The following GALNT7 variants were observed in gnomAD, a reference collection of about 807,000 sequenced individuals.
The protein encoded by GALNT7 is polypeptide N-acetylgalactosaminyltransferase 7, also known as N-acetylgalactosaminyltransferase 7.
Under a neutral mutation model 82.1 loss-of-function variants are expected in GALNT7, and 60 were observed. That is an observed-to-expected ratio of 0.73 (90% CI 0.59 to 0.91). The LOEUF (loss-of-function observed/expected upper bound fraction) is 0.91, where lower values mean the gene tolerates loss of function less well. GALNT7 is among the 40% of genes least tolerant of loss of function. The pLI, the probability that GALNT7 is intolerant of heterozygous loss-of-function variation, is 0.00. For missense variants in GALNT7, 660 were observed against 804.2 expected (o/e 0.82, Z 2.17); for synonymous variants, 243 against 275.1 (o/e 0.88, Z 1.15).
rs1293455922 is a variant in GALNT7 at position 173,248,020 on chromosome 4, G to A, written c.167G>A (p.Gly56Asp). 5.0e-6 allele frequency: 8 copies of A among 1,613,468 alleles called. No individual in the cohort carries two copies. In the South Asian group the frequency reaches 7.7e-5, roughly 16 times the overall value. ...DVNDPMPNRG[G>D]NGLAPGEDRF... ...AATGACCCCATGCCCAACCGAGGCG[G>A]CAATGGACTAGCTCCTGGGGAGGAC... Residue 56 changes from glycine to aspartate, a missense_variant, in exon 2 of 12, where the codon GGC becomes GAC. Gly to Asp is a moderately conservative substitution (Grantham distance 94). Transcript: ENST00000265000.
intron 1 of GALNT7, among the ~76,000 whole-genome samples, chr4:173,225,335 G>C (rs1579929162): frequency 1.3e-5 from 2 of 152,212 alleles, no homozygotes; most frequent in South Asian, 4.1e-4. Context: ...AATGGGAAAA[G>C]GGTTGACTGG....
At chr4:173,245,149 A>G (rs1014449616) in intron 1 of GALNT7, among the ~76,000 whole-genome samples, 21 of 151,944 alleles carry the variant, frequency 1.4e-4, no homozygotes, top group African/African-American at 5.1e-4. Flanking sequence ...ATGGAATGAC[A>G]AATAGACTAA....
At position 173,323,118 on chromosome 4, in the gene GALNT7, T is replaced by C. The variant is rs965975448; in HGVS notation, c.*1401T>C. 1 of 150,804 alleles carries C rather than the reference T, an allele frequency of 6.6e-6. No individual in the cohort carries two copies. The highest frequency in any genetic ancestry group is 1.5e-5 in the Non-Finnish European group (1 of 67,524). The allele number at this position is 150,804 out of a possible 1,614,324, so 9.3% of individuals were successfully genotyped here. A position where few individuals can be genotyped will look rare whatever the true frequency, so the allele number is the denominator to read the frequency against. ...TATCCAGAAGATTAAAATGCCTACA[T>C]TGAGTGCTTAAAAAAAAAAAAACAA... On this transcript the variant is annotated 3_prime_UTR_variant, in exon 12 of 12. Transcript: ENST00000265000.
At chr4:173,309,318 A>G (rs1737290764) in intron 8 of GALNT7, among the ~76,000 whole-genome samples, 1 of 152,174 alleles carries the variant, frequency 6.6e-6, no homozygotes, top group African/African-American at 2.4e-5. Flanking sequence ...GAGATATGTC[A>G]TAGTCGCCGT....
At chr4:173,232,435 AC>A (rs1734060104) in intron 1 of GALNT7, among the ~76,000 whole-genome samples, 1 of 151,710 alleles carries the variant, frequency 6.6e-6, no homozygotes, top group African/African-American at 2.4e-5. Context: ...GTTACCTTGA[AC>A]TTTTTTTTTT....
In GALNT7 at chr4:173,321,651, C is replaced by T; in HGVS notation, c.1908C>T (p.Phe636=). The change falls in exon 12 of 12, where the codon TTC becomes TTT. Residue 636 remains phenylalanine (F), a synonymous_variant. Transcript: ENST00000265000. The part of the protein sequence containing the change: ...LDRSEVLHQV[F]ISNCDSSKTT... Reference sequence around the variant, plus strand: ...GCTCAGAGGTCCTGCATCAAGTATTCATCTCCAATTGTGACTCCAGTAAAA... The same window carrying T: ...GCTCAGAGGTCCTGCATCAAGTATTTATCTCCAATTGTGACTCCAGTAAAA... 1 of 1,598,844 alleles carries T rather than the reference C, an allele frequency of 6.3e-7. No homozygotes were observed. The highest frequency in any genetic ancestry group is 1.7e-5 in the Admixed American group (1 of 59,942).
chr4:173,283,430 A>T (rs1424179777), intron 2 of GALNT7, among the ~76,000 whole-genome samples: 1 of 152,106 alleles, frequency 6.6e-6, no homozygotes, highest in Non-Finnish European at 1.5e-5. Flanking sequence ...ACCTGAGGTC[A>T]GGAGTTCAAG....
At chr4:173,173,508 C>T (rs1731943624) in intron 1 of GALNT7, among the ~76,000 whole-genome samples, 1 of 152,080 alleles carries the variant, frequency 6.6e-6, no homozygotes, top group African/African-American at 2.4e-5. Context: ...CTGGTTTTGT[C>T]AAAGACAATT....
rs1419716782 is a variant in GALNT7 at position 173,320,425 on chromosome 4, T to C, written c.1837-1155T>C. ...ATTTTTAATGAAAAATAACTATGTT[T>C]ACCCACAAAAAATAGTGAGAAGAAT... is the stretch of plus-strand genomic sequence containing the variant. On this transcript the variant is annotated intron_variant, in intron 11 of 11. Coordinates refer to ENST00000265000, the MANE Select transcript of GALNT7 (RefSeq NM_017423.3). This position sits in a 1 kb window ranked among gnomAD's most constrained non-coding sequence, Gnocchi z 4.1. Among the ~76,000 whole-genome samples, 1 of 152,148 alleles carries C rather than the reference T, an allele frequency of 6.6e-6. No individual in the cohort carries two copies. Among genetic ancestry groups the C allele is most frequent in the East Asian group, 1.9e-4 (1 of 5,204 alleles).
chr4:173,301,252 G>A (rs1316374947), intron 6 of GALNT7, among the ~76,000 whole-genome samples: 1 of 151,948 alleles, frequency 6.6e-6, no homozygotes, highest in African/African-American at 2.4e-5. Context: ...TAATAATACT[G>A]AGTACCCTAA....
At chr4:173,318,398 T>A (rs201653156) in intron 10 of GALNT7, 33 bp from the exon 11 acceptor site, 1 of 1,566,954 alleles carries the variant, frequency 6.4e-7, no homozygotes, top group South Asian at 1.2e-5. Flanking sequence ...GGAAGGTGCC[T>A]CTGTTACTTA....
intron 1 of GALNT7, among the ~76,000 whole-genome samples, chr4:173,200,023 G>T (rs1342035741): frequency 6.6e-6 from 1 of 152,160 alleles, no homozygotes; most frequent in Non-Finnish European, 1.5e-5. Flanking sequence ...TATAGAATAA[G>T]AAAGTCTCTA....
intron 8 of GALNT7, among the ~76,000 whole-genome samples, chr4:173,310,721 T>A (rs1022218133): frequency 2.0e-5 from 3 of 152,084 alleles, no homozygotes; most frequent in African/African-American, 7.2e-5. Context: ...CCTCATCTAA[T>A]TTTTTTATGT....
At chr4:173,184,322 T>G (rs1432613523) in intron 1 of GALNT7, among the ~76,000 whole-genome samples, 7 of 151,974 alleles carry the variant, frequency 4.6e-5, no homozygotes, top group Non-Finnish European at 1.5e-5. Flanking sequence ...GAGCACTGAG[T>G]GAGCGAGACT....
chr4:173,246,582 T>A (rs1579951376), intron 1 of GALNT7, among the ~76,000 whole-genome samples: 7 of 152,322 alleles, frequency 4.6e-5, no homozygotes, highest in Admixed American at 3.3e-4. Context: ...AGAAAATTTT[T>A]AAAAATTTCT....
At chr4:173,258,262 AG>A (rs949483800) in intron 2 of GALNT7, among the ~76,000 whole-genome samples, 27 of 152,222 alleles carry the variant, frequency 1.8e-4, no homozygotes, top group African/African-American at 6.5e-4. Flanking sequence ...CTCTGGCTCC[AG>A]GGTCATATGC....
intron 11 of GALNT7, among the ~76,000 whole-genome samples, chr4:173,321,147 A>C (rs78491614): frequency 0.058 from 8,823 of 152,256 alleles, 392 homozygotes; most frequent in African/African-American, 0.12. Flanking sequence ...AAACCAGGGC[A>C]TCTGCAGTGG....
intron 2 of GALNT7, chr4:173,268,382 A>G (rs1270074281): frequency 6.6e-6 from 1 of 152,134 alleles, no homozygotes; most frequent in Non-Finnish European, 1.5e-5. Context: ...GACACAGCAC[A>G]GCATCTTTGT....
intron 1 of GALNT7, among the ~76,000 whole-genome samples, chr4:173,202,552 T>C (rs1490072578): frequency 6.6e-6 from 1 of 152,210 alleles, no homozygotes; most frequent in Non-Finnish European, 1.5e-5. Context: ...TCAATCCTTA[T>C]CTAGCTGTCA....
Sources: gnomAD v4.1 joint callset for allele counts (sites outside exome capture counted in the v4.1 genomes callset) on GRCh38, gnomAD v4.1.1 for gene constraint, Gnocchi (gnomAD v3.1) non-coding constraint, MANE v1.5 for transcripts, NCBI Gene and HGNC (gene_info 2026-07-23, HGNC 2026-07-21) for gene names.